The following IKZF2 variants were observed in gnomAD, a reference collection of about 807,000 sequenced individuals.
IKZF2 encodes IKAROS family zinc finger 2.
Under a neutral mutation model 49.2 loss-of-function variants are expected in IKZF2, and 15 were observed. That is an observed-to-expected ratio of 0.30 (90% confidence interval 0.20 to 0.47). The LOEUF (loss-of-function observed/expected upper bound fraction) is 0.47, where lower values mean the gene tolerates loss of function less well. IKZF2 is among the 20% of genes least tolerant of loss of function. The probability of loss-of-function intolerance (pLI) is 1.00; values close to 1 mark genes in which losing one functional copy is unlikely to be tolerated. For synonymous variants in IKZF2, 227 were observed against 221.4 expected (o/e 1.03, Z -0.23); for missense variants, 567 against 664.6 (o/e 0.85, Z 1.61).
intron 6 of IKZF2, among the ~76,000 whole-genome samples, chr2:213,042,099 A>T (rs1394264177): frequency 6.6e-6 from 1 of 152,038 alleles, no homozygotes; most frequent in Non-Finnish European, 1.5e-5. Context: ...CCACCCTAAA[A>T]CCCACATGCC....
intron 4 of IKZF2, among the ~76,000 whole-genome samples, chr2:213,084,980 C>T (rs1240697283): frequency 6.6e-6 from 1 of 152,170 alleles, no homozygotes; most frequent in Non-Finnish European, 1.5e-5. Flanking sequence ...TGAATCTACA[C>T]CGCAAATATA....
intron 4 of IKZF2, among the ~76,000 whole-genome samples, chr2:213,108,360 G>A (rs1380966746): frequency 6.6e-6 from 1 of 151,886 alleles, no homozygotes; most frequent in Non-Finnish European, 1.5e-5. Flanking sequence ...TACTACTTCT[G>A]CCATCCCCAA....
intron 4 of IKZF2, among the ~76,000 whole-genome samples, chr2:213,099,469 A>T (rs1706400108): frequency 6.6e-6 from 1 of 152,108 alleles, no homozygotes; most frequent in South Asian, 2.1e-4. Context: ...GTAGTAACAG[A>T]CTCTGAGATC....
intron 7 of IKZF2, chr2:213,014,831 C>G (rs1043046874): frequency 6.6e-6 from 1 of 152,000 alleles, no homozygotes; most frequent in African/African-American, 2.4e-5. Flanking sequence ...TGATTAAAAA[C>G]AGTGTTCTCA....
rs764191286 is a variant in IKZF2, at chr2:213,013,851, T to C, written c.796A>G (p.Ile266Val). 4 of 1,612,046 alleles carry C rather than the reference T, an allele frequency of 2.5e-6. No individual in the cohort carries two copies. In the African/African-American group the frequency reaches 4.0e-5, roughly 16 times the overall value. ...SLVPFERPAV[I>V]EKLTGNMGKR... ...CCCATATTCCCCGTGAGCTTCTCTA[T>C]GACAGCAGGTCTCTCAAAAGGCACC... The change falls in exon 8 of 9, where the codon ATA (isoleucine) becomes GTA (valine). Residue 266 changes from isoleucine to valine, a missense_variant. By Grantham distance (29) the Ile-to-Val change is conservative. Around this residue, in one of 5 missense-constraint regions of IKZF2, gnomAD observed 310 missense variants for 326.9 expected, o/e 0.95. Transcript: ENST00000434687.
chr2:213,041,637 A>T (rs1266250887), intron 6 of IKZF2, among the ~76,000 whole-genome samples: 1 of 152,158 alleles, frequency 6.6e-6, no homozygotes, highest in East Asian at 1.9e-4. Context: ...ATCTTTGTTC[A>T]TAAAACATTT....
At chr2:213,021,338 A>G (rs1220371233) in intron 7 of IKZF2, 1 of 153,026 alleles carries the variant, frequency 6.5e-6, no homozygotes, top group Non-Finnish European at 1.5e-5. Context: ...AATTAGTAAG[A>G]CAAGATAGAC....
chr2:213,069,820 A>G (rs1271292026), intron 4 of IKZF2, among the ~76,000 whole-genome samples: 1 of 152,150 alleles, frequency 6.6e-6, no homozygotes, highest in East Asian at 1.9e-4. Context: ...GAACAAAGTT[A>G]GCAATATGTT....
At chr2:213,089,941 C>CTCT (rs1410744323) in intron 4 of IKZF2, among the ~76,000 whole-genome samples, 4 of 152,292 alleles carry the variant, frequency 2.6e-5, no homozygotes, top group African/African-American at 9.6e-5. Flanking sequence ...CTTCCTGATA[C>CTCT]TCTGGGCACT....
intron 4 of IKZF2, among the ~76,000 whole-genome samples, chr2:213,147,167 T>C (rs2061104014): frequency 6.6e-6 from 1 of 152,186 alleles, no homozygotes; most frequent in African/African-American, 2.4e-5. Flanking sequence ...AGTTCTTCTC[T>C]GGACAAAAGC....
In IKZF2 at chr2:213,151,420, G is replaced by A. The variant is rs2061277737; in HGVS notation, c.-127C>T. ...AGCCAAGCGGAGATTTACCTCAGCA[G>A]TGCATGCAGTAAAATAATCCCATCA... On this transcript the variant is annotated 5_prime_UTR_variant, in exon 1 of 9. Transcript: ENST00000434687. The A allele has an allele frequency of 6.6e-6, 1 of 152,582 alleles. No individual in the cohort carries two copies. The highest frequency in any genetic ancestry group is 2.1e-4 in the South Asian group (1 of 4,828). 9.5% of individuals were successfully genotyped at this position (152,582 alleles called of 1,614,324 possible).
At chr2:213,039,439 A>C (rs916156159) in intron 6 of IKZF2, among the ~76,000 whole-genome samples, 2 of 152,078 alleles carry the variant, frequency 1.3e-5, no homozygotes, top group East Asian at 1.9e-4. Context: ...CATCTGGTCC[A>C]GTTCCTTTTT....
At chr2:213,119,473 GC>G (rs1439247309) in intron 4 of IKZF2, among the ~76,000 whole-genome samples, 1 of 152,026 alleles carries the variant, frequency 6.6e-6, no homozygotes, top group Non-Finnish European at 1.5e-5. Context: ...CTGCGAGCCA[GC>G]ATAAACAAGA....
At chr2:213,090,265 C>T (rs1358852707) in intron 4 of IKZF2, among the ~76,000 whole-genome samples, 2 of 152,112 alleles carry the variant, frequency 1.3e-5, no homozygotes, top group South Asian at 2.1e-4. Flanking sequence ...CAGGCCAGTG[C>T]GGCCAGTAGT....
In IKZF2 at chr2:213,018,948, T is replaced by C. The variant is rs142398892; in HGVS notation, c.712+3045A>G. On this transcript the variant is annotated intron_variant, in intron 7 of 8. Transcript: ENST00000434687. ...ATCTATGTTCCCAGAGAACTGTGTA[T>C]GCATCCTTATTAGAGCTTTTGTTTC... Among the ~76,000 whole-genome samples the C allele has an allele frequency of 1.3e-4, 20 of 152,328 alleles. 1 individual carries two copies. The East Asian group carries it at 3.5e-3, about 26-fold the overall frequency.
intron 4 of IKZF2, among the ~76,000 whole-genome samples, chr2:213,135,925 C>T (rs2060643119): frequency 6.6e-6 from 1 of 151,778 alleles, no homozygotes; most frequent in Non-Finnish European, 1.5e-5. Context: ...GGTGGCATGC[C>T]TGTAATCCCA....
chr2:213,028,160 C>A (rs569275598), intron 6 of IKZF2, among the ~76,000 whole-genome samples: 1 of 151,992 alleles, frequency 6.6e-6, no homozygotes, highest in South Asian at 2.1e-4. Flanking sequence ...TTATCCTTTC[C>A]CCCCTTAAAT....
chr2:213,089,952 A>G (rs1705109529), intron 4 of IKZF2, among the ~76,000 whole-genome samples: 1 of 152,222 alleles, frequency 6.6e-6, no homozygotes, highest in Non-Finnish European at 1.5e-5. Context: ...TCTGGGCACT[A>G]GCAGAGCTTC....
intron 6 of IKZF2, among the ~76,000 whole-genome samples, chr2:213,031,571 C>A (rs1184912891): frequency 2.0e-5 from 3 of 152,164 alleles, no homozygotes; most frequent in Non-Finnish European, 4.4e-5. Flanking sequence ...TTGGCATCTA[C>A]TTTTCTATCA....
Sources: allele counts gnomAD v4.1 joint callset (sites outside exome capture counted in the v4.1 genomes callset), GRCh38; gene constraint gnomAD v4.1.1; regional missense constraint gnomAD v4.1.1; transcripts MANE v1.5; gene names NCBI Gene and HGNC (gene_info 2026-07-23, HGNC 2026-07-21).